The following PTPRZ1 variants were observed in gnomAD, a reference collection of about 807,000 sequenced individuals.
The protein encoded by PTPRZ1 is receptor-type tyrosine-protein phosphatase zeta.
A neutral mutation model predicts 214.1 loss-of-function variants in PTPRZ1; 82 were observed. The ratio of observed to expected loss-of-function variants is 0.38; its 90% CI spans 0.32 to 0.46. The LOEUF is 0.46. Among genes scored for constraint, PTPRZ1 ranks in the 20% least tolerant of loss-of-function variants. The pLI is 1.00. For missense variants in PTPRZ1, 2,603 were observed against 2,748.7 expected (o/e 0.95, Z 1.19); for synonymous variants, 945 against 987.9 (o/e 0.96, Z 0.81).
At chr7:121,887,167 A>G (rs1242160269) in intron 1 of PTPRZ1, among the ~76,000 whole-genome samples, 4 of 152,132 alleles carry the variant, frequency 2.6e-5, no homozygotes, top group Non-Finnish European at 4.4e-5. Context: ...CTGTATCTTC[A>G]AGGAGTCTGG....
At chr7:121,929,776 C>A (rs1166674563) in intron 2 of PTPRZ1, among the ~76,000 whole-genome samples, 1 of 151,194 alleles carries the variant, frequency 6.6e-6, no homozygotes, top group Non-Finnish European at 1.5e-5. Flanking sequence ...CCACTGCACT[C>A]CAGCCTGGGT....
chr7:122,037,742 A>G (rs1431535041), intron 18 of PTPRZ1, among the ~76,000 whole-genome samples: 1 of 152,156 alleles, frequency 6.6e-6, no homozygotes, highest in Non-Finnish European at 1.5e-5. Flanking sequence ...CTGATTTTGA[A>G]TCCCATCTCT....
At chr7:122,054,084 TC>T in intron 26 of PTPRZ1, 46 bp downstream of exon 26, 1 of 1,601,034 alleles carries the variant, frequency 6.2e-7, no homozygotes, top group Non-Finnish European at 8.5e-7. Flanking sequence ...CAGAGGAATA[TC>T]AGGTTACAAA....
chr7:121,937,507 G>A (rs1388757780), intron 2 of PTPRZ1, among the ~76,000 whole-genome samples: 1 of 142,524 alleles, frequency 7.0e-6, no homozygotes, highest in Admixed American at 7.0e-5. Flanking sequence ...GGAAACAACA[G>A]AGCCCCAGCA....
At chr7:121,881,120 C>T (rs962743373) in intron 1 of PTPRZ1, among the ~76,000 whole-genome samples, 5 of 152,084 alleles carry the variant, frequency 3.3e-5, no homozygotes, top group Non-Finnish European at 5.9e-5. Context: ...GAGGGTGAAG[C>T]TGTCATTGAT....
intron 6 of PTPRZ1, among the ~76,000 whole-genome samples, chr7:121,981,069 G>T (rs373559022): frequency 6.6e-6 from 1 of 152,084 alleles, no homozygotes; most frequent in Non-Finnish European, 1.5e-5. Flanking sequence ...GTGAACCCTG[G>T]GGGGCGGAGC....
At chr7:122,040,740 G>A (rs1401661979) in intron 20 of PTPRZ1, 76 bp from the exon 21 acceptor site, 1 of 269,110 alleles carries the variant, frequency 3.7e-6, no homozygotes, top group Non-Finnish European at 5.8e-6. Flanking sequence ...GTGTGTGTGT[G>A]TGTGTGTGTG....
At chr7:122,033,858 A>G (rs952393529) in intron 15 of PTPRZ1, 64 of 516,126 alleles carry the variant, frequency 1.2e-4, no homozygotes, top group Admixed American at 5.3e-4. Context: ...TGACATCACT[A>G]TCTCCTTTTA....
intron 1 of PTPRZ1, among the ~76,000 whole-genome samples, chr7:121,915,804 G>A (rs920374402): frequency 6.6e-6 from 1 of 152,048 alleles, no homozygotes; most frequent in African/African-American, 2.4e-5. Context: ...ATCTATTAAG[G>A]AAAACAGGTT....
intron 1 of PTPRZ1, among the ~76,000 whole-genome samples, chr7:121,889,333 A>C (rs1177599665): frequency 6.6e-6 from 1 of 152,156 alleles, no homozygotes; most frequent in East Asian, 1.9e-4. Context: ...GTAAAATACT[A>C]GAGAATGTAG....
intron 1 of PTPRZ1, among the ~76,000 whole-genome samples, chr7:121,893,822 A>G (rs1286693628): frequency 2.0e-5 from 3 of 152,116 alleles, no homozygotes; most frequent in Non-Finnish European, 4.4e-5. Context: ...CTAAATATTT[A>G]TAGGGTTCCA....
At chr7:122,047,867 T>G (rs958855140) in intron 23 of PTPRZ1, among the ~76,000 whole-genome samples, 1 of 152,028 alleles carries the variant, frequency 6.6e-6, no homozygotes, top group African/African-American at 2.4e-5. Flanking sequence ...GTTGCCCAGA[T>G]GGTTTCGAAC....
At chr7:122,031,599 T>A (rs377400045) in intron 15 of PTPRZ1, 40 bp downstream of exon 15, 15 of 1,393,714 alleles carry the variant, frequency 1.1e-5, no homozygotes, top group Non-Finnish European at 1.5e-5. Context: ...ATATAGAAAA[T>A]AGTAAAATTT....
chr7:122,047,662 T>C (rs76325691), intron 23 of PTPRZ1, among the ~76,000 whole-genome samples: 479 of 145,338 alleles, frequency 3.3e-3, no homozygotes, highest in Middle Eastern at 7.1e-3. Flanking sequence ...TTTTTTTTTT[T>C]CTCTGAGACA....
chr7:121,986,912 G>A (rs1311152107), intron 8 of PTPRZ1, among the ~76,000 whole-genome samples: 1 of 152,154 alleles, frequency 6.6e-6, no homozygotes, highest in African/African-American at 2.4e-5. Context: ...AGAAAATCCA[G>A]TCACACCAAC....
At chr7:121,901,569 T>TA (rs1794959699) in intron 1 of PTPRZ1, among the ~76,000 whole-genome samples, 1 of 152,216 alleles carries the variant, frequency 6.6e-6, no homozygotes, top group Non-Finnish European at 1.5e-5. Flanking sequence ...AATCTCTTGA[T>TA]ATTTTATTAC....
chr7:122,007,033 A>G (rs572401051), intron 11 of PTPRZ1, among the ~76,000 whole-genome samples: 12 of 152,220 alleles, frequency 7.9e-5, no homozygotes, highest in African/African-American at 2.6e-4. Context: ...CCAAGGAATA[A>G]CCACATTATC....
At position 122,012,408 on chromosome 7, in the gene PTPRZ1, A is replaced by G; in HGVS notation, c.3362A>G (p.Asn1121Ser). 1 of 1,614,016 alleles carries G rather than the reference A, an allele frequency of 6.2e-7. No individual in the cohort carries two copies. The highest frequency in any genetic ancestry group is 8.5e-7 in the Non-Finnish European group (1 of 1,179,942). ...CATGAGATTAGTCAAGTTCCAGAAA[A>G]TAACTTTTCAGTTCAACCTACACAT... ...FDHEISQVPE[N>S]NFSVQPTHTV... Residue 1121 changes from asparagine (N) to serine (S), a missense_variant, in exon 12 of 30, where the codon AAT (asparagine) becomes AGT (serine). Transcript: ENST00000393386.
chr7:122,039,657 G>A (rs919780655), intron 20 of PTPRZ1, 69 bp downstream of exon 20: 14 of 1,551,022 alleles, frequency 9.0e-6, no homozygotes, highest in African/African-American at 5.5e-5. Context: ...GTGAATAAGC[G>A]ATAGAACCAA....
Sources: gnomAD v4.1 joint callset for allele counts (sites outside exome capture counted in the v4.1 genomes callset) on GRCh38, gnomAD v4.1.1 for gene constraint, MANE v1.5 for transcripts, NCBI Gene and HGNC (gene_info 2026-07-23, HGNC 2026-07-21) for gene names.